The following RHBDD1 variants were observed in gnomAD, a reference collection of about 807,000 sequenced individuals.
RHBDD1 encodes the protein rhomboid-related protein 4.
Under a neutral mutation model 36.3 loss-of-function variants are expected in RHBDD1, and 38 were observed. The ratio of observed to expected loss-of-function variants is 1.05; its 90% CI spans 0.81 to 1.37. The LOEUF is 1.37. Ranked by LOEUF, RHBDD1 falls within the 40% of genes most tolerant of loss-of-function variation. RHBDD1 has a pLI of 0.00. For missense variants in RHBDD1, 393 were observed against 377.6 expected (o/e 1.04, Z -0.34); for synonymous variants, 151 against 136.5 (o/e 1.11, Z -0.74).
chr2:226,953,349 A>G (rs1458626596), intron 8 of RHBDD1, among the ~76,000 whole-genome samples: 2 of 152,188 alleles, frequency 1.3e-5, no homozygotes, highest in Admixed American at 6.5e-5. Context: ...GAAATTGTGG[A>G]AAAATGTTAG....
intron 8 of RHBDD1, among the ~76,000 whole-genome samples, chr2:226,972,776 T>C (rs1260955225): frequency 6.6e-6 from 1 of 152,200 alleles, no homozygotes; most frequent in Non-Finnish European, 1.5e-5. Context: ...TCTTGCTGTT[T>C]AAGGGTGCCT....
the RHBDD1 span, among the ~76,000 whole-genome samples, chr2:226,811,926 G>A: frequency 5.9e-5 from 9 of 152,214 alleles, no homozygotes; most frequent in African/African-American, 1.9e-4. Flanking sequence ...ACACAGCAGG[G>A]TTTAGAATGG....
At chr2:226,869,083 G>A in intron 5 of RHBDD1, 1 of 622,850 alleles carries the variant, frequency 1.6e-6, no homozygotes, top group Non-Finnish European at 2.0e-6. Context: ...GAATAACAGT[G>A]CGTTTAATAT....
intron 5 of RHBDD1, among the ~76,000 whole-genome samples, chr2:226,898,443 A>G (rs983052109): frequency 6.6e-6 from 1 of 152,172 alleles, no homozygotes; most frequent in Non-Finnish European, 1.5e-5. Flanking sequence ...CATGTTTAAT[A>G]AATCATCATG....
chr2:226,888,612 T>G lies in RHBDD1; in HGVS notation c.567-18181T>G, dbSNP rs536466869. On this transcript the variant is annotated intron_variant, in intron 5 of 8. Coordinates refer to ENST00000392062, the MANE Select transcript of RHBDD1 (RefSeq NM_001167608.3). ...CTTTATCCTGACCTTTGTGTCTTGT[T>G]TTTTTTTTCTTTTTAAGGTGTGGCA... Among the ~76,000 whole-genome samples the G allele has an allele frequency of 1.3e-4, 20 of 151,744 alleles. No homozygotes were observed. The South Asian group carries it at 2.1e-3, about 16-fold the overall frequency.
chr2:226,864,520 A>G (rs1314069590), intron 3 of RHBDD1, 84 bp from the exon 4 acceptor site: 2 of 596,572 alleles, frequency 3.4e-6, no homozygotes, highest in East Asian at 5.6e-5. Flanking sequence ...CATTTGCCTC[A>G]TGGGAGTTTG....
chr2:226,807,215 A>G, the RHBDD1 span, among the ~76,000 whole-genome samples: 2 of 152,216 alleles, frequency 1.3e-5, no homozygotes, highest in Admixed American at 6.5e-5. Flanking sequence ...GTTGTTTGCT[A>G]TATAAAGTAT....
intron 5 of RHBDD1, among the ~76,000 whole-genome samples, chr2:226,883,184 C>A (rs540029319): frequency 1.8e-4 from 27 of 152,322 alleles, no homozygotes; most frequent in Non-Finnish European, 3.5e-4. Flanking sequence ...CGTGTATTAA[C>A]ATTAACTCTC....
chr2:226,958,560 A>G (rs181765891), intron 8 of RHBDD1, among the ~76,000 whole-genome samples: 3 of 152,328 alleles, frequency 2.0e-5, no homozygotes, highest in African/African-American at 4.8e-5. Flanking sequence ...TGAAATCTCA[A>G]TGAAGCTGTT....
At position 226,965,730 on chromosome 2, in the gene RHBDD1, T is replaced by C. The variant is rs1342250555; in HGVS notation, c.857-29701T>C. 2.1e-4 allele frequency among the ~76,000 whole-genome samples: 32 copies of C among 152,136 alleles called. 1 individual carries two copies. Among genetic ancestry groups the C allele is most frequent in the South Asian group, 2.1e-4 (1 of 4,826 alleles). ...CATTGAGAGAATTAGTAGAGCTCCA[T>C]GTGCCATCATCCTGGAGCCCTGTTG... On this transcript the variant is annotated intron_variant, in intron 8 of 8. Transcript: ENST00000392062.
At chr2:226,824,526 G>A in the RHBDD1 span, among the ~76,000 whole-genome samples, 1 of 152,260 alleles carries the variant, frequency 6.6e-6, no homozygotes, top group African/African-American at 2.4e-5. Flanking sequence ...AAACAGAAAA[G>A]GAAGAAATCT....
chr2:226,952,391 G>A (rs1294279034), intron 8 of RHBDD1, among the ~76,000 whole-genome samples: 2 of 149,500 alleles, frequency 1.3e-5, no homozygotes, highest in Admixed American at 6.7e-5. Context: ...TCTGCCTCCC[G>A]GGTTCAAGTG....
intron 5 of RHBDD1, among the ~76,000 whole-genome samples, chr2:226,869,864 G>C (rs1355854054): frequency 6.6e-6 from 1 of 152,174 alleles, no homozygotes; most frequent in African/African-American, 2.4e-5. Context: ...GGTGTCCCAG[G>C]AGGGAGATGT....
At chr2:226,841,792 A>G (rs994775340) in intron 3 of RHBDD1, among the ~76,000 whole-genome samples, 2 of 152,146 alleles carry the variant, frequency 1.3e-5, no homozygotes, top group African/African-American at 2.4e-5. Context: ...AATGATTTCT[A>G]TTCCTTTGGG....
intron 8 of RHBDD1, among the ~76,000 whole-genome samples, chr2:226,968,316 C>T (rs1377782585): frequency 6.6e-6 from 1 of 152,140 alleles, no homozygotes; most frequent in Non-Finnish European, 1.5e-5. Context: ...TGGAGGCTGA[C>T]CAGGCAAGTC....
At chr2:226,980,384 G>T (rs1174649190) in intron 8 of RHBDD1, among the ~76,000 whole-genome samples, 4 of 152,166 alleles carry the variant, frequency 2.6e-5, no homozygotes, top group Admixed American at 6.5e-5. Flanking sequence ...TGGTAAGCAA[G>T]GTTCTAAGCA....
chr2:226,826,785 G>T, the RHBDD1 span, among the ~76,000 whole-genome samples: 1 of 152,004 alleles, frequency 6.6e-6, no homozygotes, highest in African/African-American at 2.4e-5. Flanking sequence ...CTCCCACAGT[G>T]CTGGGATTAC....
At chr2:226,837,245 A>G (rs750125040) in intron 1 of RHBDD1, among the ~76,000 whole-genome samples, 21 of 152,240 alleles carry the variant, frequency 1.4e-4, no homozygotes, top group Non-Finnish European at 3.1e-4. Context: ...GAAAACCCTC[A>G]AAGATGTTAT....
chr2:226,853,942 T>C (rs953266354), intron 3 of RHBDD1, among the ~76,000 whole-genome samples: 1 of 152,086 alleles, frequency 6.6e-6, no homozygotes, highest in Non-Finnish European at 1.5e-5. Flanking sequence ...TCTTGGCCGG[T>C]GGTGGGTAGA....
Sources: gnomAD v4.1 joint callset for allele counts (sites outside exome capture counted in the v4.1 genomes callset) on GRCh38, gnomAD v4.1.1 for gene constraint, MANE v1.5 for transcripts, NCBI Gene and HGNC (gene_info 2026-07-23, HGNC 2026-07-21) for gene names.